The following RALGPS1 variants were observed in gnomAD, a reference collection of about 807,000 sequenced individuals.
RALGPS1 encodes the protein ras-specific guanine nucleotide-releasing factor RalGPS1.
RALGPS1 carries 19 observed loss-of-function variants against 78.8 expected under a neutral mutation model. The observed-to-expected ratio is 0.24, with a 90% CI of 0.17 to 0.35. The LOEUF (loss-of-function observed/expected upper bound fraction) is 0.35. Among genes scored for constraint, RALGPS1 ranks in the 10% least tolerant of loss-of-function variants. The probability of loss-of-function intolerance (pLI) is 1.00; values close to 1 mark genes in which losing one functional copy is unlikely to be tolerated. For synonymous variants in RALGPS1, 228 were observed against 256.3 expected, an observed-to-expected ratio of 0.89 and a Z score of 1.06; for missense variants, 454 against 688.3, an observed-to-expected ratio of 0.66 and a Z score of 3.81.
chr9:126,953,931 G>C (rs2038105329), intron 1 of RALGPS1, among the ~76,000 whole-genome samples: 1 of 152,178 alleles, frequency 6.6e-6, no homozygotes, highest in Admixed American at 6.5e-5. Flanking sequence ...ACTGGGGAAG[G>C]TGGGAGAGGA....
intron 8 of RALGPS1, among the ~76,000 whole-genome samples, chr9:127,150,076 A>G (rs900487785): frequency 2.6e-5 from 4 of 152,192 alleles, no homozygotes; most frequent in African/African-American, 9.7e-5. Flanking sequence ...TAGCTGTATG[A>G]TCTTGAACAA....
intron 4 of RALGPS1, among the ~76,000 whole-genome samples, chr9:127,021,435 A>G (rs2045431676): frequency 6.7e-6 from 1 of 149,368 alleles, no homozygotes; most frequent in East Asian, 2.0e-4. Context: ...CTGGAGGTGG[A>G]GGTTGTGAGC....
intron 1 of RALGPS1, among the ~76,000 whole-genome samples, chr9:126,938,192 C>T (rs10760466): frequency 0.17 from 26,358 of 152,100 alleles, 3,002 homozygotes; most frequent in East Asian, 0.44. Context: ...AAGGGGAGCA[C>T]CCATCAGCAG....
intron 3 of RALGPS1, among the ~76,000 whole-genome samples, chr9:126,972,165 C>T (rs943841292): frequency 3.3e-5 from 5 of 152,154 alleles, no homozygotes; most frequent in African/African-American, 1.2e-4. Context: ...TTGTGGCAAA[C>T]GGACTCAAGA....
chr9:126,945,055 G>A (rs552842671), intron 1 of RALGPS1, among the ~76,000 whole-genome samples: 16 of 152,316 alleles, frequency 1.1e-4, no homozygotes, highest in South Asian at 6.2e-4. Context: ...CCTGTCCACA[G>A]GAGGCAGCCC....
chr9:127,184,083 T>A (rs1163209560), intron 11 of RALGPS1: 1 of 1,534,652 alleles, frequency 6.5e-7, no homozygotes, highest in South Asian at 1.2e-5. Flanking sequence ...CCCAGCACTT[T>A]GGGAAGCCGA....
At chr9:127,213,715 A>G (rs1369088441) in intron 17 of RALGPS1, 1 of 152,490 alleles carries the variant, frequency 6.6e-6, no homozygotes, top group Non-Finnish European at 1.5e-5. Context: ...TGGGCTGGAA[A>G]ATCCCCACGC....
Position 127,212,508 on chromosome 9 carries a change from GC to G in RALGPS1, c.1354-117del. 1.4e-6 allele frequency: 1 copy of G among 738,466 alleles called. No individual in the cohort carries two copies. Among genetic ancestry groups the G allele is most frequent in the Non-Finnish European group, 2.2e-6 (1 of 458,910 alleles). The allele number at this position is 738,466 out of a possible 1,614,324, so 45.7% of individuals were successfully genotyped here. ...TGGCATTGCCAGGGGGTGGTGGAGG[GC>G]CAGGGAAGAGATGGGGCCTGCACTG... On this transcript the variant is annotated intron_variant, in intron 15 of 18. Coordinates refer to ENST00000259351, the MANE Select transcript of RALGPS1 (RefSeq NM_014636.3). This position sits in a 1 kb window ranked among gnomAD's most constrained non-coding sequence, Gnocchi z 6.0.
At chr9:127,175,949 T>C (rs1022633699) in intron 11 of RALGPS1, among the ~76,000 whole-genome samples, 1 of 152,094 alleles carries the variant, frequency 6.6e-6, no homozygotes, top group African/African-American at 2.4e-5. Context: ...ACAGAGCCCA[T>C]AGGGCCAGTG....
chr9:127,166,335 A>G (rs566206130), intron 9 of RALGPS1, 129 bp downstream of exon 9: 3 of 1,079,086 alleles, frequency 2.8e-6, no homozygotes, highest in South Asian at 2.8e-5. Flanking sequence ...AGCATCAAAC[A>G]TGTACTAGAT....
At chr9:127,015,762 A>T (rs1005723986) in intron 4 of RALGPS1, among the ~76,000 whole-genome samples, 7 of 152,056 alleles carry the variant, frequency 4.6e-5, no homozygotes, top group African/African-American at 1.7e-4. Context: ...GGGACACTTC[A>T]TGTATACCAC....
intron 7 of RALGPS1, among the ~76,000 whole-genome samples, chr9:127,067,901 C>T (rs969595544): frequency 6.6e-6 from 1 of 152,200 alleles, no homozygotes; most frequent in Non-Finnish European, 1.5e-5. Flanking sequence ...CTTAAAGCCA[C>T]GTTTAGTCAG....
At chr9:127,083,319 A>G (rs989042244) in intron 8 of RALGPS1, among the ~76,000 whole-genome samples, 2 of 152,218 alleles carry the variant, frequency 1.3e-5, no homozygotes, top group East Asian at 3.9e-4. Flanking sequence ...TGGATCCTCT[A>G]TCTGGGAGCC....
At chr9:126,956,247 G>T (rs3120026) in intron 1 of RALGPS1, among the ~76,000 whole-genome samples, 4,228 of 152,024 alleles carry the variant, frequency 0.028, 55 homozygotes, top group Middle Eastern at 0.048. Flanking sequence ...CTGTTCTCAG[G>T]GCGGGGCTAG....
At chr9:126,965,506 G>A (rs1366831681) in intron 2 of RALGPS1, among the ~76,000 whole-genome samples, 1 of 152,216 alleles carries the variant, frequency 6.6e-6, no homozygotes. Flanking sequence ...CTGAAGGTAT[G>A]TGTTTTGGGG....
chr9:127,075,414 G>T (rs1003156697), intron 8 of RALGPS1, among the ~76,000 whole-genome samples: 52 of 152,308 alleles, frequency 3.4e-4, no homozygotes, highest in African/African-American at 1.2e-3. Context: ...AATGAAGCAA[G>T]ACCTCCTGAG....
Position 127,219,804 on chromosome 9 carries a change from G to A in RALGPS1, c.*1035G>A, listed in dbSNP as rs1423707338. The A allele has an allele frequency of 1.3e-5, 2 of 152,732 alleles. No homozygotes were observed. Among genetic ancestry groups the A allele is most frequent in the Non-Finnish European group, 2.9e-5 (2 of 68,106 alleles). The allele number at this position is 152,732 out of a possible 1,614,324, so 9.5% of individuals were successfully genotyped here. A position where few individuals can be genotyped will look rare whatever the true frequency, so the allele number is the denominator to read the frequency against. On this transcript the variant is annotated 3_prime_UTR_variant, in exon 19 of 19. Transcript: ENST00000259351. The surrounding 1 kb of genome is among the most constrained non-coding windows in gnomAD (Gnocchi z 5.0). Reference sequence around the variant, plus strand: ...TCACTCCTTTGCCTGCACTGCCAGGGTGGGGCCCACCAAGATTCCTGATCA... The same window carrying A: ...TCACTCCTTTGCCTGCACTGCCAGGATGGGGCCCACCAAGATTCCTGATCA...
At chr9:127,142,238 T>G (rs1039095898) in intron 8 of RALGPS1, among the ~76,000 whole-genome samples, 4 of 152,310 alleles carry the variant, frequency 2.6e-5, no homozygotes, top group African/African-American at 9.6e-5. Context: ...AGCCTCATAT[T>G]GCAGATGTAT....
At chr9:127,179,261 A>G (rs1464835600) in intron 11 of RALGPS1, among the ~76,000 whole-genome samples, 1 of 152,188 alleles carries the variant, frequency 6.6e-6, no homozygotes, top group Non-Finnish European at 1.5e-5. Context: ...AAGGTTTCAG[A>G]CACACTCGGG....
Sources: gnomAD v4.1 joint callset for allele counts (sites outside exome capture counted in the v4.1 genomes callset) on GRCh38, gnomAD v4.1.1 for gene constraint, Gnocchi (gnomAD v3.1) non-coding constraint, MANE v1.5 for transcripts, NCBI Gene and HGNC (gene_info 2026-07-23, HGNC 2026-07-21) for gene names.